CADM2: variants seen among roughly 807,000 people sequenced by gnomAD.
CADM2 encodes the protein immunoglobulin superfamily member 4D.
A neutral mutation model predicts 49.8 loss-of-function variants in CADM2; 12 were observed. The observed-to-expected ratio is 0.24, with a 90% CI of 0.15 to 0.39. The LOEUF is 0.39. Ranked by LOEUF, CADM2 falls within the 10% of genes least tolerant of loss-of-function variation. The probability of loss-of-function intolerance (pLI) is 1.00; values close to 1 mark genes in which losing one functional copy is unlikely to be tolerated. For synonymous variants in CADM2, 214 were observed against 175.4 expected, an observed-to-expected ratio of 1.22 and a Z score of -1.74; for missense variants, 378 against 492.3, an observed-to-expected ratio of 0.77 and a Z score of 2.20.
intron 1 of CADM2, among the ~76,000 whole-genome samples, chr3:85,678,769 A>G (rs1245199320): frequency 6.6e-6 from 1 of 152,206 alleles, no homozygotes. Context: ...TCAATTATTC[A>G]TTAGATGACT....
rs1428220480 is a variant in CADM2 at position 85,943,222 on chromosome 3, A to G, written c.791+7365A>G. Among the ~76,000 whole-genome samples, 20 of 142,694 alleles carry G rather than the reference A, an allele frequency of 1.4e-4. No homozygotes were observed. The East Asian group carries it at 3.6e-3, about 26-fold the overall frequency. 93.6% of individuals were successfully genotyped at this position (142,694 alleles called of 152,430 possible). ...GTAAATTTGTTTGAGTTCATTGTAG[A>G]TTCTGGATATTAGCCCTTTGTCAGA... is the stretch of plus-strand genomic sequence containing the variant. On this transcript the variant is annotated intron_variant, in intron 7 of 9. Coordinates refer to ENST00000383699, the MANE Select transcript of CADM2 (RefSeq NM_001167675.2).
chr3:85,384,992 G>A (rs762711991), intron 1 of CADM2, among the ~76,000 whole-genome samples: 1 of 151,994 alleles, frequency 6.6e-6, no homozygotes, highest in Non-Finnish European at 1.5e-5. Flanking sequence ...CTGGAGTGTA[G>A]TGGTGTGATC....
intron 1 of CADM2, among the ~76,000 whole-genome samples, chr3:85,181,327 A>G (rs1002188744): frequency 6.6e-6 from 1 of 152,124 alleles, no homozygotes; most frequent in Non-Finnish European, 1.5e-5. Context: ...AATCAATAAA[A>G]TGCTATTGAA....
At chr3:85,626,412 G>A (rs1250534306) in intron 1 of CADM2, among the ~76,000 whole-genome samples, 1 of 151,774 alleles carries the variant, frequency 6.6e-6, no homozygotes, top group East Asian at 1.9e-4. Flanking sequence ...TAAATCAAAT[G>A]TCTCACCCAT....
intron 1 of CADM2, among the ~76,000 whole-genome samples, chr3:85,264,763 T>A (rs971470358): frequency 2.0e-5 from 3 of 152,020 alleles, no homozygotes; most frequent in African/African-American, 2.4e-5. Flanking sequence ...AATTAGAAAG[T>A]TATGAGGTTG....
intron 3 of CADM2, among the ~76,000 whole-genome samples, chr3:85,819,664 A>G (rs895057706): frequency 6.6e-6 from 1 of 152,184 alleles, no homozygotes; most frequent in African/African-American, 2.4e-5. Context: ...TACAAATTCA[A>G]AAGAAATTAA....
At chr3:85,976,772 A>G (rs1221957130) in intron 8 of CADM2, among the ~76,000 whole-genome samples, 1 of 151,510 alleles carries the variant, frequency 6.6e-6, no homozygotes, top group African/African-American at 2.4e-5. Context: ...AGAGAGGAGG[A>G]TAAGGGAGAA....
chr3:85,631,389 A>G (rs774285977), intron 1 of CADM2, among the ~76,000 whole-genome samples: 2 of 152,098 alleles, frequency 1.3e-5, no homozygotes, highest in African/African-American at 2.4e-5. Flanking sequence ...TTGAAACTCT[A>G]TTGATACTCT....
chr3:86,044,461 T>C, intron 8 of CADM2, among the ~76,000 whole-genome samples: 1 of 152,018 alleles, frequency 6.6e-6, no homozygotes, highest in Non-Finnish European at 1.5e-5. Flanking sequence ...CATGAAAAAA[T>C]GCTCATCATC....
chr3:85,700,868 C>G (rs2066731722), intron 1 of CADM2, among the ~76,000 whole-genome samples: 1 of 152,150 alleles, frequency 6.6e-6, no homozygotes, highest in East Asian at 1.9e-4. Flanking sequence ...CTGAGCTCTC[C>G]AAGGTTTTCC....
intron 1 of CADM2, among the ~76,000 whole-genome samples, chr3:85,162,130 T>C: frequency 6.6e-6 from 1 of 152,206 alleles, no homozygotes; most frequent in East Asian, 1.9e-4. Context: ...ATCTAACTGC[T>C]AGGCATTTAG....
intron 1 of CADM2, among the ~76,000 whole-genome samples, chr3:85,036,455 T>C (rs577328387): frequency 1.3e-5 from 2 of 152,242 alleles, no homozygotes; most frequent in South Asian, 4.1e-4. Flanking sequence ...AACTTAAACT[T>C]AAGCTCCAAT....
At chr3:85,465,042 G>C (rs1433309696) in intron 1 of CADM2, among the ~76,000 whole-genome samples, 1 of 152,088 alleles carries the variant, frequency 6.6e-6, no homozygotes, top group Non-Finnish European at 1.5e-5. Flanking sequence ...CCAGCAACTC[G>C]GGAGGCTGAG....
At chr3:86,032,775 C>G (rs887592373) in intron 8 of CADM2, among the ~76,000 whole-genome samples, 3 of 151,866 alleles carry the variant, frequency 2.0e-5, no homozygotes, top group Non-Finnish European at 2.9e-5. Flanking sequence ...AGGAATTAAA[C>G]CTCCTCAAAT....
At chr3:85,314,894 T>G (rs1257549479) in intron 1 of CADM2, among the ~76,000 whole-genome samples, 3 of 152,206 alleles carry the variant, frequency 2.0e-5, no homozygotes, top group Admixed American at 6.5e-5. Context: ...ACTTTCCATG[T>G]AATATCACTG....
intron 3 of CADM2, among the ~76,000 whole-genome samples, chr3:85,880,124 G>A (rs1712524313): frequency 6.6e-6 from 1 of 152,086 alleles, no homozygotes; most frequent in South Asian, 2.1e-4. Context: ...GTTTTTGAGT[G>A]TATTCTTTGT....
chr3:85,750,276 A>G (rs774182888), intron 2 of CADM2, among the ~76,000 whole-genome samples: 34 of 152,076 alleles, frequency 2.2e-4, no homozygotes, highest in Non-Finnish European at 4.1e-4. Context: ...ACATCCAGAT[A>G]GCATTTGCTG....
At chr3:85,374,182 T>C (rs2033450223) in intron 1 of CADM2, among the ~76,000 whole-genome samples, 1 of 152,162 alleles carries the variant, frequency 6.6e-6, no homozygotes, top group Non-Finnish European at 1.5e-5. Flanking sequence ...TATAAGTTAA[T>C]AAAATGTGAA....
intron 1 of CADM2, among the ~76,000 whole-genome samples, chr3:85,249,808 T>C (rs140734431): frequency 1.3e-5 from 2 of 151,988 alleles, no homozygotes; most frequent in South Asian, 2.1e-4. Flanking sequence ...AAAGAGATAA[T>C]TGAAAATTAT....
Sources: gnomAD v4.1 joint callset for allele counts (sites outside exome capture counted in the v4.1 genomes callset) on GRCh38, gnomAD v4.1.1 for gene constraint, MANE v1.5 for transcripts, NCBI Gene and HGNC (gene_info 2026-07-23, HGNC 2026-07-21) for gene names.